The following FNBP4 variants were observed in gnomAD, a reference collection of about 807,000 sequenced individuals.
The protein encoded by FNBP4 is formin-binding protein 4.
FNBP4 carries 34 observed loss-of-function variants against 119.3 expected under a neutral mutation model. That is an observed-to-expected ratio of 0.28 (90% CI 0.22 to 0.38). FNBP4 has a LOEUF of 0.38. FNBP4 is among the 10% of genes least tolerant of loss of function. The probability of loss-of-function intolerance (pLI) is 1.00; values close to 1 mark genes in which losing one functional copy is unlikely to be tolerated. For synonymous variants in FNBP4, 462 were observed against 430.6 expected, an observed-to-expected ratio of 1.07 and a Z score of -0.90; for missense variants, 1,112 against 1,228.9, an observed-to-expected ratio of 0.90 and a Z score of 1.42.
chr11:47,762,532 A>G (rs2097637834), intron 2 of FNBP4, among the ~76,000 whole-genome samples: 1 of 152,036 alleles, frequency 6.6e-6, no homozygotes, highest in African/African-American at 2.4e-5. Context: ...TCCTGGGCTC[A>G]AGCGATCCTC....
Position 47,717,247 on chromosome 11 carries a change from A to C in FNBP4, c.*175T>G. On this transcript the variant is annotated 3_prime_UTR_variant, in exon 17 of 17. Transcript: ENST00000263773. Reference sequence around the variant, plus strand: ...TCCAATCACCTCATCCCTTTGCAAAAACAGAAAAATTACATTTCACAAAAG... The same window carrying C: ...TCCAATCACCTCATCCCTTTGCAAACACAGAAAAATTACATTTCACAAAAG... The C allele has an allele frequency of 1.8e-6, 1 of 570,892 alleles. No homozygotes were observed. Among genetic ancestry groups the C allele is most frequent in the Non-Finnish European group, 3.1e-6 (1 of 325,150 alleles). 35.4% of individuals were successfully genotyped at this position (570,892 alleles called of 1,614,324 possible).
At position 47,719,128 on chromosome 11, in the gene FNBP4, T is replaced by C. The variant is rs368627977; in HGVS notation, c.2963+801A>G. Among the ~76,000 whole-genome samples the C allele has an allele frequency of 4.8e-4, 73 of 152,328 alleles. 1 individual carries two copies. In the South Asian group the frequency reaches 0.015, roughly 31 times the overall value. ...TGGTCTCGAATTCCTGACCTCGTGA[T>C]CCACCCGCCTTGGCCTCCCAAAGTG... On this transcript the variant is annotated intron_variant, in intron 16 of 16. Transcript: ENST00000263773.
chr11:47,739,884 T>C (rs2097579397), intron 8 of FNBP4, among the ~76,000 whole-genome samples: 1 of 152,166 alleles, frequency 6.6e-6, no homozygotes, highest in South Asian at 2.1e-4. Flanking sequence ...GTTCAAGCGA[T>C]TCTCCTGCCT....
At position 47,732,071 on chromosome 11, in the gene FNBP4, A is replaced by T. The variant is rs1047352281; in HGVS notation, c.1820+466T>A. 2.0e-6 allele frequency: 2 copies of T among 992,214 alleles called. No individual in the cohort carries two copies. Among genetic ancestry groups the T allele is most frequent in the Non-Finnish European group, 1.2e-6 (1 of 834,722 alleles). 61.5% of individuals were successfully genotyped at this position (992,214 alleles called of 1,614,324 possible). The stretch of plus-strand genomic sequence containing the variant: ...GAGCAAAGATTTCAAATAACGAAAA[A>T]AAAATCAAGAAAAGCCAAATATATA... On this transcript the variant is annotated intron_variant, in intron 11 of 16. Coordinates refer to ENST00000263773, the MANE Select transcript of FNBP4 (RefSeq NM_015308.5). The surrounding 1 kb of genome is among the most constrained non-coding windows in gnomAD (Gnocchi z 4.2).
chr11:47,752,818 C>T, intron 4 of FNBP4, 98 bp downstream of exon 4: 3 of 1,064,890 alleles, frequency 2.8e-6, no homozygotes, highest in East Asian at 2.6e-5. Flanking sequence ...CATCTCAAAA[C>T]AAACAAACAA....
chr11:47,765,374 A>AAAGAG lies in FNBP4; in HGVS notation c.221-13_221-12insCTCTT, dbSNP rs1554991223. On this transcript the variant is annotated splice_polypyrimidine_tract_variant and intron_variant, in intron 1 of 16. Coordinates refer to ENST00000263773, the MANE Select transcript of FNBP4 (RefSeq NM_015308.5). ...CGCTTCCTGTTCATCTGGATTAAAA[A>AAAGAG]AAAAGAAAAGAAAAGAAAAGAAAAG... 9.8e-7 allele frequency: 1 copy of AAAGAG among 1,025,226 alleles called. No individual in the cohort carries two copies. Among genetic ancestry groups the AAAGAG allele is most frequent in the African/African-American group, 1.8e-5 (1 of 54,800 alleles). 63.5% of individuals were successfully genotyped at this position (1,025,226 alleles called of 1,614,324 possible). A position where few individuals can be genotyped will look rare whatever the true frequency, so the allele number is the denominator to read the frequency against.
intron 16 of FNBP4, among the ~76,000 whole-genome samples, chr11:47,719,358 T>C (rs2097552886): frequency 6.6e-6 from 1 of 152,224 alleles, no homozygotes; most frequent in Non-Finnish European, 1.5e-5. Context: ...AAGAGGTTCA[T>C]TTAGTTCCTA....
In FNBP4 at chr11:47,732,126, G is replaced by A; in HGVS notation, c.1820+411C>T. The stretch of plus-strand genomic sequence containing the variant: ...AATGTTTTCATCTGACCTGCTGGCA[G>A]AGGATAGTAATCTTGTTCTTCATTC... On this transcript the variant is annotated intron_variant, in intron 11 of 16. Coordinates refer to ENST00000263773, the MANE Select transcript of FNBP4 (RefSeq NM_015308.5). This position sits in a 1 kb window ranked among gnomAD's most constrained non-coding sequence, Gnocchi z 4.2. The A allele has an allele frequency of 1.0e-6, 1 of 1,001,964 alleles. No homozygotes were observed. The allele number at this position is 1,001,964 out of a possible 1,614,324, so 62.1% of individuals were successfully genotyped here. A position where few individuals can be genotyped will look rare whatever the true frequency, so the allele number is the denominator to read the frequency against.
intron 12 of FNBP4, chr11:47,725,827 G>T: frequency 1.0e-6 from 1 of 973,052 alleles, no homozygotes; most frequent in South Asian, 4.8e-5. Flanking sequence ...TGTTGAAGGG[G>T]ATTTTCTCCC....
chr11:47,742,478 A>AAAAAAAAAAAG (rs2097583621), intron 8 of FNBP4, among the ~76,000 whole-genome samples: 1 of 45,192 alleles, frequency 2.2e-5, no homozygotes, highest in Non-Finnish European at 4.4e-5. Context: ...ACTCCGTCTC[A>AAAAAAAAAAAG]AAAAAAAAAA....
At chr11:47,750,688 C>CAAAAAAAAAAAAAA (rs67153479) in intron 6 of FNBP4, among the ~76,000 whole-genome samples, 8 of 68,062 alleles carry the variant, frequency 1.2e-4, no homozygotes, top group Admixed American at 2.4e-4. Flanking sequence ...GACTCTGTCT[C>CAAAAAAAAAAAAAA]AAAAAAAAAA....
At position 47,719,993 on chromosome 11, in the gene FNBP4, C is replaced by T. The variant is rs1485296907; in HGVS notation, c.2899G>A (p.Glu967Lys). ...TGTGCAGTTGATTCCCGATCCTCTTCACTGGAACTAGAATTGTCCTCTTCA... is the reference window on the plus strand; with the variant it reads ...TGTGCAGTTGATTCCCGATCCTCTTTACTGGAACTAGAATTGTCCTCTTCA... ...LDEEDNSSSS[E>K]EDRESTAQKR... Residue 967 changes from glutamate (E) to lysine (K), a missense_variant, in exon 16 of 17, where the codon GAA becomes AAA. Physicochemically the swap from Glu to Lys is moderately conservative, Grantham distance 56 (BLOSUM62 1). Around this residue, in one of 2 missense-constraint regions of FNBP4, gnomAD observed 826 missense variants for 988.8 expected, o/e 0.84. Transcript: ENST00000263773. 2 of 1,613,990 alleles carry T rather than the reference C, an allele frequency of 1.2e-6. No homozygotes were observed. Among genetic ancestry groups the T allele is most frequent in the Non-Finnish European group, 8.5e-7 (1 of 1,180,006 alleles).
At position 47,732,584 on chromosome 11, in the gene FNBP4, C is replaced by T. The variant is rs1460748898; in HGVS notation, c.1773G>A (p.Gln591=). 1 of 1,613,962 alleles carries T rather than the reference C, an allele frequency of 6.2e-7. No individual in the cohort carries two copies. The highest frequency in any genetic ancestry group is 1.3e-5 in the African/African-American group (1 of 74,924). ...CTTTAGGAGTGGCGTTTATTTCATACTGTTTTAGTTGTTCTGCTGCATCCT... is the reference window on the plus strand; with the variant it reads ...CTTTAGGAGTGGCGTTTATTTCATATTGTTTTAGTTGTTCTGCTGCATCCT... ...KLQDAAEQLK[Q]YEINATPKGW... is the part of the protein sequence containing the mutation. The change falls in exon 11 of 17, where the codon CAG becomes CAA. Residue 591 remains glutamine (Q), a synonymous_variant. Transcript: ENST00000263773. This position sits in a 1 kb window ranked among gnomAD's most constrained non-coding sequence, Gnocchi z 4.2.
chr11:47,754,415 G>T, intron 3 of FNBP4, 113 bp downstream of exon 3: 1 of 992,390 alleles, frequency 1.0e-6, no homozygotes, highest in Non-Finnish European at 1.5e-6. Context: ...AGTGTTGGAG[G>T]GAGAGGGAGA....
chr11:47,737,928 TAG>T (rs1206560886), intron 8 of FNBP4, among the ~76,000 whole-genome samples: 3 of 152,218 alleles, frequency 2.0e-5, no homozygotes, highest in Admixed American at 2.0e-4. Flanking sequence ...GTATTTTTAG[TAG>T]AGATGGGGTT....
Position 47,724,458 on chromosome 11 carries a change from A to T in FNBP4, c.2319+10T>A, listed in dbSNP as rs1315718428. Reference sequence around the variant, plus strand: ...CAAAATCACTCAGAATGCCAAAGGGAATTACTTACCTGGCTAGTTACAACT... The same window carrying T: ...CAAAATCACTCAGAATGCCAAAGGGTATTACTTACCTGGCTAGTTACAACT... On this transcript the variant is annotated intron_variant, in intron 13 of 16. Transcript: ENST00000263773. 2 of 1,614,160 alleles carry T rather than the reference A, an allele frequency of 1.2e-6. No individual in the cohort carries two copies. The highest frequency in any genetic ancestry group is 1.7e-5 in the Admixed American group (1 of 60,022).
In FNBP4 at chr11:47,746,490, C is replaced by T. The variant is rs894381773; in HGVS notation, c.907-96G>A. On this transcript the variant is annotated intron_variant, in intron 6 of 16. Transcript: ENST00000263773. ...CACACACATTCATATTAACTGTTTT[C>T]AGTAGCTGAATACTCAAGGTAAAAA... The T allele has an allele frequency of 6.4e-6, 7 of 1,101,894 alleles. No individual in the cohort carries two copies. The African/African-American group carries it at 1.1e-4, about 17-fold the overall frequency. The allele number at this position is 1,101,894 out of a possible 1,614,324, so 68.3% of individuals were successfully genotyped here.
chr11:47,740,715 C>T (rs2097580772), intron 8 of FNBP4, among the ~76,000 whole-genome samples: 1 of 151,638 alleles, frequency 6.6e-6, no homozygotes, highest in South Asian at 2.1e-4. Flanking sequence ...GCCTCAGTCT[C>T]CCAAGTAGCT....
At chr11:47,727,291 C>A (rs976013517) in intron 12 of FNBP4, among the ~76,000 whole-genome samples, 3 of 139,970 alleles carry the variant, frequency 2.1e-5, no homozygotes, top group Admixed American at 7.7e-5. Context: ...ACTCTCTTGT[C>A]CACGCCGGAG....
Sources: gnomAD v4.1 joint callset for allele counts (sites outside exome capture counted in the v4.1 genomes callset) on GRCh38, gnomAD v4.1.1 for gene constraint, gnomAD v4.1.1 regional missense constraint, Gnocchi (gnomAD v3.1) non-coding constraint, MANE v1.5 for transcripts, NCBI Gene and HGNC (gene_info 2026-07-23, HGNC 2026-07-21) for gene names.